DGKB: variants seen among roughly 807,000 people sequenced by gnomAD.
DGKB encodes the protein diacylglycerol kinase beta, also known as 90 kDa diacylglycerol kinase.
Under a neutral mutation model 114.3 loss-of-function variants are expected in DGKB, and 67 were observed. That is an observed-to-expected ratio of 0.59 (90% CI 0.48 to 0.72). DGKB has a LOEUF of 0.72. DGKB is among the 30% of genes least tolerant of loss of function. The probability of loss-of-function intolerance (pLI) is 0.00; values close to 1 mark genes in which losing one functional copy is unlikely to be tolerated. For synonymous variants in DGKB, 398 were observed against 323.1 expected (o/e 1.23, Z -2.49); for missense variants, 907 against 975.2 (o/e 0.93, Z 0.93).
chr7:14,816,224 C>A (rs1379787432), intron 2 of DGKB, among the ~76,000 whole-genome samples: 1 of 152,090 alleles, frequency 6.6e-6, no homozygotes, highest in Admixed American at 6.6e-5. Flanking sequence ...GTCCCAGCTA[C>A]TCTGGAGGCC....
chr7:14,523,680 T>C (rs1359113501), intron 20 of DGKB, among the ~76,000 whole-genome samples: 1 of 152,144 alleles, frequency 6.6e-6, no homozygotes, highest in Admixed American at 6.6e-5. Flanking sequence ...ATACAATGTA[T>C]TCTATTATAA....
At chr7:14,574,159 C>T in intron 20 of DGKB, 53 bp downstream of exon 20, 2 of 1,365,434 alleles carry the variant, frequency 1.5e-6, no homozygotes, top group East Asian at 2.4e-5. Context: ...AAAGTTTTCT[C>T]ACTGTGATTA....
chr7:14,384,948 G>C (rs535238776), intron 21 of DGKB, among the ~76,000 whole-genome samples: 1 of 152,028 alleles, frequency 6.6e-6, no homozygotes, highest in Non-Finnish European at 1.5e-5. Context: ...GAACTCCCTA[G>C]GACCGAATAG....
intron 2 of DGKB, among the ~76,000 whole-genome samples, chr7:14,774,282 A>C (rs1837840072): frequency 6.6e-6 from 1 of 152,242 alleles, no homozygotes; most frequent in Admixed American, 6.5e-5. Flanking sequence ...ATTTCAAGAA[A>C]TTACATAAAC....
chr7:14,518,482 A>T (rs1165798733), intron 20 of DGKB, among the ~76,000 whole-genome samples: 1 of 152,072 alleles, frequency 6.6e-6, no homozygotes, highest in Non-Finnish European at 1.5e-5. Flanking sequence ...TAAAAAAAAA[A>T]GATGAGAGGA....
At chr7:14,161,981 A>G (rs1195104097) in intron 25 of DGKB, among the ~76,000 whole-genome samples, 1 of 152,188 alleles carries the variant, frequency 6.6e-6, no homozygotes, top group Non-Finnish European at 1.5e-5. Flanking sequence ...TTAGTATTCT[A>G]TCCCAGGAAG....
intron 21 of DGKB, among the ~76,000 whole-genome samples, chr7:14,426,331 C>T (rs1002818879): frequency 3.3e-5 from 5 of 152,058 alleles, no homozygotes; most frequent in Admixed American, 6.6e-5. Context: ...AGCCATGCAG[C>T]GTACATGTGA....
intron 23 of DGKB, among the ~76,000 whole-genome samples, chr7:14,283,781 T>C (rs1447528313): frequency 6.6e-6 from 1 of 152,104 alleles, no homozygotes. Context: ...CCCTATTTAA[T>C]AAATGGTGCT....
At chr7:14,824,083 C>A (rs1562633515) in intron 2 of DGKB, among the ~76,000 whole-genome samples, 1 of 152,150 alleles carries the variant, frequency 6.6e-6, no homozygotes, top group South Asian at 2.1e-4. Context: ...CTTTATAAAA[C>A]CATCAGATCT....
At chr7:14,190,824 A>T (rs1289894967) in intron 23 of DGKB, 1 of 152,702 alleles carries the variant, frequency 6.5e-6, no homozygotes, top group Non-Finnish European at 1.5e-5. Flanking sequence ...GACTCCCATC[A>T]ACATTGTCAA....
intron 20 of DGKB, among the ~76,000 whole-genome samples, chr7:14,547,153 T>C (rs1048863149): frequency 2.0e-5 from 3 of 152,174 alleles, no homozygotes; most frequent in Non-Finnish European, 4.4e-5. Context: ...AGTTTTTTTA[T>C]ACTTAATGTT....
chr7:14,747,563 T>C (rs940940116), intron 4 of DGKB, among the ~76,000 whole-genome samples: 1 of 152,138 alleles, frequency 6.6e-6, no homozygotes, highest in Admixed American at 6.5e-5. Context: ...CCTTAGATCA[T>C]GACTTACAAG....
chr7:14,758,432 T>C (rs953466698), intron 2 of DGKB, among the ~76,000 whole-genome samples: 3 of 152,108 alleles, frequency 2.0e-5, no homozygotes, highest in African/African-American at 4.8e-5. Context: ...ATTATACTTA[T>C]TGAAATATAA....
At position 14,471,752 on chromosome 7, in the gene DGKB, G is replaced by T. The variant is rs557860251; in HGVS notation, c.1835+6409C>A. 1.5e-3 allele frequency among the ~76,000 whole-genome samples: 233 copies of T among 152,024 alleles called. 1 individual carries two copies. Among genetic ancestry groups the T allele is most frequent in the African/African-American group, 5.4e-3 (224 of 41,486 alleles). ...TTATTGCATTTTTTGCACTATAAAA[G>T]CATAAACTATAAAGGTAGTAAGATA... On this transcript the variant is annotated intron_variant, in intron 21 of 25. Coordinates refer to ENST00000402815, the MANE Select transcript of DGKB (RefSeq NM_001350709.2).
intron 23 of DGKB, among the ~76,000 whole-genome samples, chr7:14,304,924 T>C (rs1194938100): frequency 6.6e-6 from 1 of 152,144 alleles, no homozygotes; most frequent in Non-Finnish European, 1.5e-5. Context: ...TATTACTGTA[T>C]TATCTATGAC....
At chr7:14,388,390 TTAAA>T (rs1281992286) in intron 21 of DGKB, among the ~76,000 whole-genome samples, 3 of 140,226 alleles carry the variant, frequency 2.1e-5, no homozygotes, top group East Asian at 1.9e-4. Context: ...ATATACATAC[TTAAA>T]TATATATGTA....
intron 7 of DGKB, among the ~76,000 whole-genome samples, chr7:14,698,606 G>C (rs1267406461): frequency 6.6e-6 from 1 of 152,064 alleles, no homozygotes; most frequent in Admixed American, 6.5e-5. Context: ...AATATACATT[G>C]ACTGTTTTAG....
intron 1 of DGKB, among the ~76,000 whole-genome samples, chr7:14,889,169 T>C (rs1448680311): frequency 2.6e-5 from 4 of 151,646 alleles, no homozygotes; most frequent in African/African-American, 9.7e-5. Context: ...CAGCAAATTA[T>C]CCTTGTGAAG....
At chr7:14,966,938 T>TTG (rs1787189784) in intron 1 of DGKB, among the ~76,000 whole-genome samples, 1 of 152,152 alleles carries the variant, frequency 6.6e-6, no homozygotes, top group Non-Finnish European at 1.5e-5. Flanking sequence ...CTTTCAAATT[T>TTG]CATCTTAAGG....
Sources: gnomAD v4.1 joint callset for allele counts (sites outside exome capture counted in the v4.1 genomes callset) on GRCh38, gnomAD v4.1.1 for gene constraint, MANE v1.5 for transcripts, NCBI Gene and HGNC (gene_info 2026-07-23, HGNC 2026-07-21) for gene names.